The following CEACAM6 variants were observed in gnomAD, a reference collection of about 807,000 sequenced individuals.
The protein encoded by CEACAM6 is cell adhesion molecule CEACAM6.
CEACAM6 carries 21 observed loss-of-function variants against 32.4 expected under a neutral mutation model. The ratio of observed to expected loss-of-function variants is 0.65; its 90% CI spans 0.46 to 0.93. The LOEUF is 0.93. Ranked by LOEUF, CEACAM6 falls within the 40% of genes least tolerant of loss-of-function variation. CEACAM6 has a pLI of 0.00. For missense variants in CEACAM6, 406 were observed against 432.2 expected, an observed-to-expected ratio of 0.94 and a Z score of 0.54; for synonymous variants, 184 against 174.4, an observed-to-expected ratio of 1.06 and a Z score of -0.43.
chr19:41,755,549 C>A lies in CEACAM6; in HGVS notation c.-90C>A. The A allele has an allele frequency of 8.0e-7, 1 of 1,242,906 alleles. No homozygotes were observed. The highest frequency in any genetic ancestry group is 1.2e-5 in the South Asian group (1 of 81,054). The allele number at this position is 1,242,906 out of a possible 1,614,324, so 77.0% of individuals were successfully genotyped here. ...CTCAGCACAGAAGGAGGAAGGACAG[C>A]AGGGCCAACAGTCACAGCAGCCCTG... On this transcript the variant is annotated 5_prime_UTR_variant, in exon 1 of 6. Coordinates refer to ENST00000199764, the MANE Select transcript of CEACAM6 (RefSeq NM_002483.7).
chr19:41,762,737 GTGAC>G (rs1301955393), intron 4 of CEACAM6, among the ~76,000 whole-genome samples: 4 of 152,196 alleles, frequency 2.6e-5, no homozygotes, highest in African/African-American at 4.8e-5. Flanking sequence ...AGCACCCCCA[GTGAC>G]TGACTGACCC....
chr19:41,768,271 G>T (rs1555822568), intron 5 of CEACAM6, among the ~76,000 whole-genome samples: 1 of 152,044 alleles, frequency 6.6e-6, no homozygotes, highest in African/African-American at 2.4e-5. Context: ...TGTGTCCCTG[G>T]GTACTTGAGA....
chr19:41,768,697 C>T (rs1259887265), intron 5 of CEACAM6, among the ~76,000 whole-genome samples: 5 of 149,144 alleles, frequency 3.4e-5, no homozygotes, highest in Admixed American at 6.7e-5. Context: ...CGCCCCTCAC[C>T]TCCCAGACGG....
chr19:41,757,113 A>T (rs181509508), intron 2 of CEACAM6, among the ~76,000 whole-genome samples, 154 bp downstream of exon 2: 224 of 152,144 alleles, frequency 1.5e-3, no homozygotes, highest in African/African-American at 4.9e-3. Flanking sequence ...GGGGAGACAA[A>T]CTTCCACAGA....
intron 5 of CEACAM6, among the ~76,000 whole-genome samples, chr19:41,766,716 G>C (rs1433447564): frequency 6.6e-6 from 1 of 152,024 alleles, no homozygotes; most frequent in African/African-American, 2.4e-5. Context: ...TACTTAAGGA[G>C]CCAAAGGGGG....
Position 41,771,135 on chromosome 19 carries a change from G to A in CEACAM6, c.*374G>A, listed in dbSNP as rs2072991722. On this transcript the variant is annotated 3_prime_UTR_variant, in exon 6 of 6. Transcript: ENST00000199764. ...TTATGCCTGCCTCTTTCGCTTGGCAGGATGATGCTGTCATTAGTATTTCAC... is the reference window on the plus strand; with the variant it reads ...TTATGCCTGCCTCTTTCGCTTGGCAAGATGATGCTGTCATTAGTATTTCAC... The A allele has an allele frequency of 6.6e-6, 1 of 152,200 alleles. No individual in the cohort carries two copies. The highest frequency in any genetic ancestry group is 2.4e-5 in the African/African-American group (1 of 41,448). The allele number at this position is 152,200 out of a possible 1,614,324, so 9.4% of individuals were successfully genotyped here.
chr19:41,757,192 G>C (rs189981538), intron 2 of CEACAM6, among the ~76,000 whole-genome samples: 9 of 152,174 alleles, frequency 5.9e-5, no homozygotes, highest in African/African-American at 1.7e-4. Context: ...CTGATGGGGG[G>C]ACTCAGCAGG....
At chr19:41,755,894 A>G (rs2072882039) in intron 1 of CEACAM6, among the ~76,000 whole-genome samples, 192 bp downstream of exon 1, 1 of 152,178 alleles carries the variant, frequency 6.6e-6, no homozygotes, top group Admixed American at 6.5e-5. Context: ...AAGGGAGGAA[A>G]ATCAATTGAT....
intron 4 of CEACAM6, among the ~76,000 whole-genome samples, chr19:41,765,122 G>A (rs782707124): frequency 1.3e-5 from 2 of 152,194 alleles, no homozygotes; most frequent in African/African-American, 4.8e-5. Flanking sequence ...AAGTCAGGTA[G>A]TCCTAGAGTC....
chr19:41,758,383 G>T (rs1312118883), intron 2 of CEACAM6, among the ~76,000 whole-genome samples: 1 of 152,126 alleles, frequency 6.6e-6, no homozygotes, highest in Non-Finnish European at 1.5e-5. Flanking sequence ...AATGAAAAAA[G>T]GATCCATAAC....
intron 5 of CEACAM6, among the ~76,000 whole-genome samples, chr19:41,768,711 G>A (rs1291065271): frequency 5.5e-5 from 8 of 145,358 alleles, no homozygotes; most frequent in East Asian, 4.2e-4. Context: ...CAGACGGGGC[G>A]GCTGGCCGGG....
intron 3 of CEACAM6, among the ~76,000 whole-genome samples, 186 bp from the exon 4 acceptor site, chr19:41,761,783 G>A (rs1245927779): frequency 1.3e-5 from 2 of 152,158 alleles, no homozygotes; most frequent in South Asian, 2.1e-4. Context: ...AAGGCTCAGG[G>A]TTCACATTTT....
intron 5 of CEACAM6, among the ~76,000 whole-genome samples, chr19:41,770,487 G>A (rs1325869913): frequency 6.6e-6 from 1 of 151,944 alleles, no homozygotes; most frequent in African/African-American, 2.4e-5. Flanking sequence ...TATTCAAGGA[G>A]AATCGCTTGA....
At chr19:41,767,005 C>CA (rs34180480) in intron 5 of CEACAM6, among the ~76,000 whole-genome samples, 46,987 of 88,208 alleles carry the variant, frequency 0.53, 12,193 homozygotes, top group Middle Eastern at 0.67. Context: ...GACTCCGTCT[C>CA]AAAAAAAAAA....
chr19:41,769,912 C>T (rs1555822822), intron 5 of CEACAM6, among the ~76,000 whole-genome samples: 3 of 149,562 alleles, frequency 2.0e-5, no homozygotes, highest in Non-Finnish European at 4.4e-5. Flanking sequence ...TAAAAATCTG[C>T]TCCCTTTATA....
intron 4 of CEACAM6, among the ~76,000 whole-genome samples, chr19:41,765,630 A>T (rs782581065): frequency 9.9e-5 from 15 of 152,214 alleles, no homozygotes; most frequent in Non-Finnish European, 2.1e-4. Flanking sequence ...GAAGTTTTAC[A>T]TAGCAGTGCA....
In CEACAM6 at chr19:41,771,206, T is replaced by C. The variant is rs551271999; in HGVS notation, c.*445T>C. 3 of 152,358 alleles carry C rather than the reference T, an allele frequency of 2.0e-5. No individual in the cohort carries two copies. The highest frequency in any genetic ancestry group is 1.9e-4 in the East Asian group (1 of 5,190). 9.4% of individuals were successfully genotyped at this position (152,358 alleles called of 1,614,324 possible). On this transcript the variant is annotated 3_prime_UTR_variant, in exon 6 of 6. Transcript: ENST00000199764. The stretch of plus-strand genomic sequence containing the variant: ...AACTTAACAGAGTGTCAGATCTATC[T>C]TGTCAATCCCAACGTTTTACATAAA...
At chr19:41,766,977 G>A (rs1370265737) in intron 5 of CEACAM6, among the ~76,000 whole-genome samples, 2 of 137,058 alleles carry the variant, frequency 1.5e-5, no homozygotes, top group Non-Finnish European at 3.0e-5. Context: ...CTGCACTCCA[G>A]CCTGGGCGAC....
intron 5 of CEACAM6, among the ~76,000 whole-genome samples, chr19:41,767,658 G>A (rs879963983): frequency 6.6e-5 from 10 of 152,132 alleles, no homozygotes; most frequent in Admixed American, 5.9e-4. Context: ...CTCTCCAGAC[G>A]CTACTAATGT....
Sources: allele counts gnomAD v4.1 joint callset (sites outside exome capture counted in the v4.1 genomes callset), GRCh38; gene constraint gnomAD v4.1.1; transcripts MANE v1.5; gene names NCBI Gene and HGNC (gene_info 2026-07-23, HGNC 2026-07-21).